The following POTEH variants were observed in gnomAD, a reference collection of about 807,000 sequenced individuals.
The protein encoded by POTEH is ANKRD26-like family C member 3.
In POTEH, 6 loss-of-function variants were observed where a neutral mutation model predicts 41.7. The observed-to-expected ratio is 0.14, with a 90% CI of 0.08 to 0.28. The LOEUF (loss-of-function observed/expected upper bound fraction) is 0.28, where lower values mean the gene tolerates loss of function less well. POTEH is among the 10% of genes least tolerant of loss of function. The pLI, the probability that POTEH is intolerant of heterozygous loss-of-function variation, is 1.00. For synonymous variants in POTEH, 38 were observed against 179.9 expected (o/e 0.21, Z 6.31); for missense variants, 115 against 533.5 (o/e 0.22, Z 7.73).
rs747823673 is a variant in POTEH, at chr22:15,690,975, C to T, written c.632+266C>T. On this transcript the variant is annotated intron_variant, in intron 1 of 10. Coordinates refer to ENST00000343518, the MANE Select transcript of POTEH (RefSeq NM_001136213.1). ...GAAGTGATTTAACTCGCAACGTTGTCGATGCAGCAGATTATTTTTAATGTA... is the reference window on the plus strand; with the variant it reads ...GAAGTGATTTAACTCGCAACGTTGTTGATGCAGCAGATTATTTTTAATGTA... Among the ~76,000 whole-genome samples the T allele has an allele frequency of 4.3e-4, 56 of 131,318 alleles. 6 individuals carry two copies. Among genetic ancestry groups the T allele is most frequent in the Non-Finnish European group, 7.9e-4 (45 of 57,124 alleles). The allele number at this position is 131,318 out of a possible 152,430, so 86.1% of individuals were successfully genotyped here.
At chr22:15,696,390 T>TTG (rs1383301517) in intron 3 of POTEH, among the ~76,000 whole-genome samples, 2 of 146,218 alleles carry the variant, frequency 1.4e-5, no homozygotes, top group African/African-American at 2.6e-5. Context: ...CATGAAGAGG[T>TTG]TGTGTGTGTG....
chr22:15,717,201 A>G lies in POTEH; in HGVS notation c.1521-2459A>G, dbSNP rs898409303. On this transcript the variant is annotated intron_variant, in intron 9 of 10. Transcript: ENST00000343518. The stretch of plus-strand genomic sequence containing the variant: ...TTTTCTTTATTCCATTCATCAGTTC[A>G]TGGACACTGGCTGATTCCATATCTT... Among the ~76,000 whole-genome samples the G allele has an allele frequency of 2.4e-3, 220 of 91,674 alleles. 75 individuals carry two copies. Among genetic ancestry groups the G allele is most frequent in the Admixed American group, 4.1e-3 (32 of 7,820 alleles). 60.1% of individuals were successfully genotyped at this position (91,674 alleles called of 152,430 possible).
In POTEH at chr22:15,690,246, C is replaced by T; in HGVS notation, c.169C>T (p.Leu57Phe). Residue 57 changes from leucine to phenylalanine, a missense_variant, in exon 1 of 11, where the codon CTC becomes TTC. Leu to Phe is a conservative substitution (Grantham distance 22). Coordinates refer to ENST00000343518, the MANE Select transcript of POTEH (RefSeq NM_001136213.1). ...CCACGACGATTCTGCTATGAAGACACTCAGGAGCAAGATGGGCAAGTGGTG... is the reference window on the plus strand; with the variant it reads ...CCACGACGATTCTGCTATGAAGACATTCAGGAGCAAGATGGGCAAGTGGTG... Reference protein sequence around the residue: ...GDHDDSAMKTLRSKMGKWCCH... With the variant: ...GDHDDSAMKTFRSKMGKWCCH... 7.1e-7 allele frequency: 1 copy of T among 1,410,924 alleles called. No homozygotes were observed. The highest frequency in any genetic ancestry group is 2.3e-5 in the East Asian group (1 of 43,354). The allele number at this position is 1,410,924 out of a possible 1,614,324, so 87.4% of individuals were successfully genotyped here.
chr22:15,714,550 TAGC>T (rs1465964728), intron 9 of POTEH, among the ~76,000 whole-genome samples: 4 of 152,056 alleles, frequency 2.6e-5, no homozygotes, highest in African/African-American at 7.3e-5. Context: ...CCTCTGCACT[TAGC>T]AGTTCCCCAT....
chr22:15,690,365 C>A lies in POTEH; in HGVS notation c.288C>A (p.Ser96Arg). The A allele has an allele frequency of 1.5e-6, 2 of 1,378,470 alleles. No individual in the cohort carries two copies. Among genetic ancestry groups the A allele is most frequent in the Non-Finnish European group, 2.0e-6 (2 of 1,001,534 alleles). The allele number at this position is 1,378,470 out of a possible 1,614,324, so 85.4% of individuals were successfully genotyped here. ...ATTCTGCTATGAAGACACTCAGGAG[C>A]AAGATGGGCAAGTGGTGCTGCCACT... ...HDDSAMKTLR[S>R]KMGKWCCHCF... The change falls in exon 1 of 11, where the codon AGC (serine) becomes AGA (arginine). Residue 96 changes from serine (S) to arginine (R), a missense_variant. Transcript: ENST00000343518.
At chr22:15,714,379 A>G (rs1283278691) in intron 9 of POTEH, among the ~76,000 whole-genome samples, 1 of 152,168 alleles carries the variant, frequency 6.6e-6, no homozygotes, top group Non-Finnish European at 1.5e-5. Flanking sequence ...CACGCTAAGT[A>G]TGTGTCAGAG....
At chr22:15,711,203 A>G (rs1989815323) in intron 9 of POTEH, among the ~76,000 whole-genome samples, 169 bp downstream of exon 9, 1 of 152,082 alleles carries the variant, frequency 6.6e-6, no homozygotes, top group African/African-American at 2.4e-5. Context: ...TTTATTTGAA[A>G]AATAGCCAGT....
Position 15,708,559 on chromosome 22 carries a change from T to C in POTEH, c.1308+469T>C, listed in dbSNP as rs1486137965. ...AAAAAAAAATATTTTAATAGATTCTTAAAATTTATTGTAATAAATTCAGCA... is the reference window on the plus strand; with the variant it reads ...AAAAAAAAATATTTTAATAGATTCTCAAAATTTATTGTAATAAATTCAGCA... On this transcript the variant is annotated intron_variant, in intron 7 of 10. Coordinates refer to ENST00000343518, the MANE Select transcript of POTEH (RefSeq NM_001136213.1). 1.5e-4 allele frequency among the ~76,000 whole-genome samples: 21 copies of C among 139,322 alleles called. No individual in the cohort carries two copies. The Admixed American group carries it at 1.5e-3, about 10-fold the overall frequency. 91.4% of individuals were successfully genotyped at this position (139,322 alleles called of 152,430 possible). A position where few individuals can be genotyped will look rare whatever the true frequency, so the allele number is the denominator to read the frequency against.
intron 1 of POTEH, among the ~76,000 whole-genome samples, chr22:15,692,003 T>A (rs867352109): frequency 0.31 from 38,968 of 125,108 alleles, 3,690 homozygotes; most frequent in African/African-American, 0.35. Flanking sequence ...TATATATATA[T>A]ATATAAATTT....
intron 1 of POTEH, among the ~76,000 whole-genome samples, chr22:15,691,367 A>T (rs556550336): frequency 7.8e-6 from 1 of 127,840 alleles, no homozygotes; most frequent in Non-Finnish European, 1.8e-5. Context: ...ACTAAAAAAT[A>T]TAAAAAAAAT....
chr22:15,691,056 T>C (rs1218668388), intron 1 of POTEH, among the ~76,000 whole-genome samples: 3 of 143,772 alleles, frequency 2.1e-5, no homozygotes, highest in African/African-American at 7.5e-5. Flanking sequence ...GAACTAAGAA[T>C]GAAGCCCCAT....
intron 6 of POTEH, among the ~76,000 whole-genome samples, chr22:15,703,678 G>A (rs969433670): frequency 1.3e-5 from 2 of 149,368 alleles, no homozygotes; most frequent in African/African-American, 2.5e-5. Flanking sequence ...CTACCTGATT[G>A]TAGACACCTA....
intron 9 of POTEH, among the ~76,000 whole-genome samples, chr22:15,713,603 G>A (rs867227531): frequency 0.032 from 4,229 of 131,624 alleles, no homozygotes; most frequent in African/African-American, 0.091. Flanking sequence ...GGCTTCCAGC[G>A]CTTCTCCTGC....
At chr22:15,697,355 CTTTTT>C in intron 3 of POTEH, 1 of 77,614 alleles carries the variant, frequency 1.3e-5, no homozygotes, top group South Asian at 1.0e-4. Flanking sequence ...ATTAATCTGA[CTTTTT>C]TTTTTTTTTT....
intron 1 of POTEH, among the ~76,000 whole-genome samples, chr22:15,691,203 G>A (rs1376938376): frequency 7.1e-6 from 1 of 140,192 alleles, no homozygotes; most frequent in Non-Finnish European, 1.6e-5. Context: ...TCTTGTGCTT[G>A]AATAGGAAGA....
intron 1 of POTEH, among the ~76,000 whole-genome samples, chr22:15,691,527 A>G (rs1239830303): frequency 2.8e-5 from 1 of 35,934 alleles, no homozygotes; most frequent in African/African-American, 1.2e-4. Flanking sequence ...CTCCGTCTCA[A>G]AAAAAAAAAA....
intron 9 of POTEH, among the ~76,000 whole-genome samples, chr22:15,711,633 TTAG>T (rs1226030559): frequency 2.0e-5 from 3 of 151,724 alleles, no homozygotes; most frequent in East Asian, 3.9e-4. Context: ...GAACATTAAT[TTAG>T]TAGCATATTC....
At chr22:15,692,009 A>ATATATATATATATAAAC (rs1421248855) in intron 1 of POTEH, among the ~76,000 whole-genome samples, 4 of 128,644 alleles carry the variant, frequency 3.1e-5, no homozygotes, top group South Asian at 2.8e-4. Flanking sequence ...TATATATATA[A>ATATATATATATATAAAC]ATTTCTTTTT....
chr22:15,691,077 C>G (rs531007401), intron 1 of POTEH, among the ~76,000 whole-genome samples: 1 of 144,218 alleles, frequency 6.9e-6, no homozygotes, highest in African/African-American at 2.5e-5. Context: ...AACACATCAA[C>G]TTCAGGGCTA....
Sources: gnomAD v4.1 joint callset for allele counts (sites outside exome capture counted in the v4.1 genomes callset) on GRCh38, gnomAD v4.1.1 for gene constraint, MANE v1.5 for transcripts, NCBI Gene and HGNC (gene_info 2026-07-23, HGNC 2026-07-21) for gene names.